RAPGEF4: variants seen among roughly 807,000 people sequenced by gnomAD.
The protein encoded by RAPGEF4 is RAP guanine-nucleotide-exchange factor (GEF) 4.
RAPGEF4 carries 66 observed loss-of-function variants against 147.9 expected under a neutral mutation model. The ratio of observed to expected loss-of-function variants is 0.45; its 90% CI spans 0.37 to 0.55. The LOEUF is 0.55. Among genes scored for constraint, RAPGEF4 ranks in the 20% least tolerant of loss-of-function variants. The probability of loss-of-function intolerance (pLI) is 0.00; values close to 1 mark genes in which losing one functional copy is unlikely to be tolerated. For synonymous variants in RAPGEF4, 419 were observed against 442.7 expected, an observed-to-expected ratio of 0.95 and a Z score of 0.67; for missense variants, 1,071 against 1,257.3, an observed-to-expected ratio of 0.85 and a Z score of 2.24.
At chr2:173,040,059 G>C (rs1011795771) in intron 29 of RAPGEF4, among the ~76,000 whole-genome samples, 1 of 151,846 alleles carries the variant, frequency 6.6e-6, no homozygotes, top group Non-Finnish European at 1.5e-5. Flanking sequence ...TTGATGGCGG[G>C]CACCAGTAAT....
intron 26 of RAPGEF4, among the ~76,000 whole-genome samples, chr2:173,032,351 A>C (rs888911767): frequency 1.3e-5 from 2 of 152,222 alleles, no homozygotes; most frequent in Non-Finnish European, 2.9e-5. Flanking sequence ...GGATGGCCCT[A>C]TTGAAAACAC....
intron 1 of RAPGEF4, among the ~76,000 whole-genome samples, chr2:172,764,179 A>G (rs1203747372): frequency 6.6e-6 from 1 of 152,030 alleles, no homozygotes; most frequent in Admixed American, 6.5e-5. Flanking sequence ...GCTTGAGCTC[A>G]GGAGATTGAG....
At chr2:172,982,729 T>C (rs1274416651) in intron 10 of RAPGEF4, among the ~76,000 whole-genome samples, 1 of 152,198 alleles carries the variant, frequency 6.6e-6, no homozygotes. Flanking sequence ...CTTTCACAGA[T>C]TATATACTGA....
chr2:172,766,530 G>C (rs1317383313), intron 1 of RAPGEF4, among the ~76,000 whole-genome samples: 1 of 151,710 alleles, frequency 6.6e-6, no homozygotes, highest in Non-Finnish European at 1.5e-5. Flanking sequence ...GATGGAGTGA[G>C]ACTCTGTCTC....
chr2:172,918,164 T>A (rs1027945244), intron 5 of RAPGEF4: 57 of 549,294 alleles, frequency 1.0e-4, no homozygotes, highest in African/African-American at 7.1e-4. Flanking sequence ...AATCCAGTGT[T>A]CTTTCTGTGC....
chr2:172,956,075 G>A (rs892789074), intron 6 of RAPGEF4, among the ~76,000 whole-genome samples: 5 of 152,274 alleles, frequency 3.3e-5, no homozygotes, highest in South Asian at 2.1e-4. Flanking sequence ...GATCGGATGC[G>A]GGAAGCTCTT....
intron 5 of RAPGEF4, among the ~76,000 whole-genome samples, chr2:172,921,991 G>A (rs955579447): frequency 2.0e-5 from 3 of 152,232 alleles, no homozygotes; most frequent in African/African-American, 2.4e-5. Flanking sequence ...TTCATGGTGA[G>A]AATGAATCAG....
chr2:172,900,301 G>A lies in RAPGEF4; in HGVS notation c.445-17501G>A, dbSNP rs554300799. Among the ~76,000 whole-genome samples, 28 of 152,294 alleles carry A rather than the reference G, an allele frequency of 1.8e-4. 1 individual carries two copies. The South Asian group carries it at 4.6e-3, about 25-fold the overall frequency. On this transcript the variant is annotated intron_variant, in intron 4 of 30. Coordinates refer to ENST00000397081, the MANE Select transcript of RAPGEF4 (RefSeq NM_007023.4). ...GTCACCCAGTGTGGAGTGCAGTGGCGTGATCATAGCTTACCCTAACTTCCA... is the reference window on the plus strand; with the variant it reads ...GTCACCCAGTGTGGAGTGCAGTGGCATGATCATAGCTTACCCTAACTTCCA...
intron 1 of RAPGEF4, among the ~76,000 whole-genome samples, chr2:172,766,860 G>T (rs999224228): frequency 6.6e-6 from 1 of 152,156 alleles, no homozygotes; most frequent in African/African-American, 2.4e-5. Context: ...TTTCTGAGTA[G>T]TATTCCATTG....
intron 21 of RAPGEF4, among the ~76,000 whole-genome samples, 184 bp downstream of exon 21, chr2:173,017,688 C>G (rs780681293): frequency 2.6e-4 from 39 of 152,162 alleles, no homozygotes; most frequent in Non-Finnish European, 4.7e-4. Flanking sequence ...GTGCCTGAAG[C>G]CGAGATGCCT....
chr2:172,885,957 T>C (rs1415035419), intron 4 of RAPGEF4, among the ~76,000 whole-genome samples: 1 of 152,120 alleles, frequency 6.6e-6, no homozygotes, highest in Non-Finnish European at 1.5e-5. Context: ...CTGCTGCACT[T>C]CAGTATGTCT....
At chr2:172,786,469 A>G (rs2149523290) in intron 1 of RAPGEF4, among the ~76,000 whole-genome samples, 1 of 152,334 alleles carries the variant, frequency 6.6e-6, no homozygotes, top group Admixed American at 6.5e-5. Flanking sequence ...AATAAATAAA[A>G]TGAATGAGCA....
intron 1 of RAPGEF4, among the ~76,000 whole-genome samples, chr2:172,749,429 C>A (rs1695063720): frequency 6.6e-6 from 1 of 152,200 alleles, no homozygotes; most frequent in East Asian, 1.9e-4. Flanking sequence ...GAGGCTTGCA[C>A]CCTCTGAAGC....
chr2:173,038,827 A>G (rs1684380164), intron 29 of RAPGEF4, among the ~76,000 whole-genome samples: 1 of 152,248 alleles, frequency 6.6e-6, no homozygotes, highest in South Asian at 2.1e-4. Flanking sequence ...ACAGCAAGGT[A>G]TGCAAAGCCA....
At chr2:173,003,442 T>C (rs1406740891) in intron 17 of RAPGEF4, among the ~76,000 whole-genome samples, 1 of 152,206 alleles carries the variant, frequency 6.6e-6, no homozygotes, top group African/African-American at 2.4e-5. Flanking sequence ...GGCTCATATC[T>C]GGCCCTGTGG....
At chr2:172,934,195 G>C (rs1201849305) in intron 6 of RAPGEF4, among the ~76,000 whole-genome samples, 5 of 139,696 alleles carry the variant, frequency 3.6e-5, no homozygotes, top group African/African-American at 1.3e-4. Flanking sequence ...TGTCACCCAG[G>C]CTGGAGTGCG....
intron 1 of RAPGEF4, among the ~76,000 whole-genome samples, chr2:172,755,239 A>T (rs886599340): frequency 6.6e-6 from 1 of 152,176 alleles, no homozygotes; most frequent in Non-Finnish European, 1.5e-5. Context: ...GGACCCATAA[A>T]CATCTAACAT....
chr2:172,746,189 A>G (rs68120036), intron 1 of RAPGEF4, among the ~76,000 whole-genome samples: 17,210 of 152,272 alleles, frequency 0.11, 1,161 homozygotes, highest in African/African-American at 0.18. Flanking sequence ...GAGTAATAAG[A>G]CTTTGGTGTC....
chr2:172,989,151 C>A (rs1692572117), intron 14 of RAPGEF4, among the ~76,000 whole-genome samples: 1 of 152,206 alleles, frequency 6.6e-6, no homozygotes, highest in Admixed American at 6.5e-5. Context: ...TGAGAAGTTT[C>A]TCTCTGACAT....
Sources: gnomAD v4.1 joint callset for allele counts (sites outside exome capture counted in the v4.1 genomes callset) on GRCh38, gnomAD v4.1.1 for gene constraint, MANE v1.5 for transcripts, NCBI Gene and HGNC (gene_info 2026-07-23, HGNC 2026-07-21) for gene names.